The following C5orf34 variants were observed in gnomAD, a reference collection of about 807,000 sequenced individuals.
C5orf34 encodes the protein chromosome 5 open reading frame 34, also known as uncharacterized protein C5orf34.
Under a neutral mutation model 78.4 loss-of-function variants are expected in C5orf34, and 73 were observed. The ratio of observed to expected loss-of-function variants is 0.93; its 90% CI spans 0.77 to 1.13. The LOEUF (loss-of-function observed/expected upper bound fraction) is 1.13, where lower values mean the gene tolerates loss of function less well. Among genes scored for constraint, C5orf34 ranks in the 50% most tolerant of loss-of-function variants. The pLI is 0.00. For missense variants in C5orf34, 730 were observed against 732.7 expected (o/e 1.00, Z 0.04); for synonymous variants, 251 against 246.6 (o/e 1.02, Z -0.17).
chr5:43,506,999 G>C (rs1382286136), intron 3 of C5orf34, among the ~76,000 whole-genome samples: 1 of 152,072 alleles, frequency 6.6e-6, no homozygotes, highest in South Asian at 2.1e-4. Flanking sequence ...TAGAATTACT[G>C]AACAGCATTT....
At position 43,494,520 on chromosome 5, in the gene C5orf34, G is replaced by A. The variant is rs746322083; in HGVS notation, c.1234C>T (p.Gln412Ter). The A allele has an allele frequency of 1.2e-6, 2 of 1,602,488 alleles. No homozygotes were observed. The highest frequency in any genetic ancestry group is 1.7e-5 in the Admixed American group (1 of 59,852). Residue 412 changes from glutamine to a stop codon, truncating the protein, a stop_gained, in exon 7 of 13, where the codon CAG becomes TAG. Coordinates refer to ENST00000306862, the MANE Select transcript of C5orf34 (RefSeq NM_198566.4). LOFTEE classifies it high-confidence loss of function. ...ATGGGAAGAACTTACCTTGTTGCCT[G>A]TTTAATTAGAGAACCGACAGTGAAT... ...SPFTVGSLIKQATRILQHCVK... is the reference protein window; with the variant it reads ...SPFTVGSLIK
chr5:43,494,599 T>C lies in C5orf34; in HGVS notation c.1155A>G (p.Arg385=), dbSNP rs1365582974. ...TATTTACTGAGTAAGTTTTCTCTTC[T>C]CTCTGAAAATTAGTTAAAATGAAAA... ...YYSIQEGSGK[R]EEKTYSVNNL... Residue 385 remains arginine, a splice_region_variant and synonymous_variant, in exon 7 of 13, where the codon AGA becomes AGG. Coordinates refer to ENST00000306862, the MANE Select transcript of C5orf34 (RefSeq NM_198566.4). 4 of 1,580,178 alleles carry C rather than the reference T, an allele frequency of 2.5e-6. No individual in the cohort carries two copies. The highest frequency in any genetic ancestry group is 3.4e-5 in the Admixed American group (2 of 58,716).
At position 43,493,624 on chromosome 5, in the gene C5orf34, A is replaced by G. The variant is rs1265206789; in HGVS notation, c.1245-12T>C. 6.6e-7 allele frequency: 1 copy of G among 1,511,178 alleles called. No homozygotes were observed. Among genetic ancestry groups the G allele is most frequent in the South Asian group, 1.2e-5 (1 of 82,030 alleles). 93.6% of individuals were successfully genotyped at this position (1,511,178 alleles called of 1,614,324 possible). ...AATGTTGAAGAATTCTGTGAACACA[A>G]AAAATACTACTTAAACATTTGCAAA... On this transcript the variant is annotated splice_polypyrimidine_tract_variant and intron_variant, in intron 7 of 12. Coordinates refer to ENST00000306862, the MANE Select transcript of C5orf34 (RefSeq NM_198566.4).
intron 3 of C5orf34, 105 bp from the exon 4 acceptor site, chr5:43,506,499 G>T: frequency 8.7e-7 from 1 of 1,148,070 alleles, no homozygotes; most frequent in African/African-American, 1.6e-5. Flanking sequence ...TTAAATATTT[G>T]TGTTTTACTA....
At chr5:43,502,241 A>G (rs1561213055) in intron 6 of C5orf34, 131 bp downstream of exon 6, 1 of 863,060 alleles carries the variant, frequency 1.2e-6, no homozygotes, top group African/African-American at 1.7e-5. Context: ...CAGTAAGATT[A>G]TATTAATACT....
chr5:43,514,198 A>G (rs909569602), intron 1 of C5orf34: 7 of 152,168 alleles, frequency 4.6e-5, no homozygotes, highest in Non-Finnish European at 1.0e-4. Flanking sequence ...TTCAGGCCAT[A>G]GACTCTCCAA....
At chr5:43,491,143 A>AATGCATATACACATATGCTTGT (rs1745263522) in intron 10 of C5orf34, among the ~76,000 whole-genome samples, 2 of 152,218 alleles carry the variant, frequency 1.3e-5, no homozygotes, top group Non-Finnish European at 1.5e-5. Context: ...AACACCTGCT[A>AATGCATATACACATATGCTTGT]ATGCATATAC....
Position 43,487,104 on chromosome 5 carries a change from T to C in C5orf34, c.1728A>G (p.Leu576=), listed in dbSNP as rs1745100979. The change falls in exon 13 of 13, where the codon CTA becomes CTG. Residue 576 remains leucine, a synonymous_variant. Coordinates refer to ENST00000306862, the MANE Select transcript of C5orf34 (RefSeq NM_198566.4). Reference sequence around the variant, plus strand: ...TCTGGTTTAGGATACCACTATTTTCTAGTAGCACTAAGTTGCTTAGTTAAG... The same window carrying C: ...TCTGGTTTAGGATACCACTATTTTCCAGTAGCACTAAGTTGCTTAGTTAAG... ...LEKIQKFNLL[L]ENSGILNQIS... 2.0e-6 allele frequency: 3 copies of C among 1,523,384 alleles called. No individual in the cohort carries two copies. Among genetic ancestry groups the C allele is most frequent in the Non-Finnish European group, 1.8e-6 (2 of 1,135,178 alleles). The allele number at this position is 1,523,384 out of a possible 1,614,324, so 94.4% of individuals were successfully genotyped here. A position where few individuals can be genotyped will look rare whatever the true frequency, so the allele number is the denominator to read the frequency against.
rs562852003 is a variant in C5orf34, at chr5:43,488,069, A to G, written c.1680-120T>C. On this transcript the variant is annotated intron_variant, in intron 11 of 12. Transcript: ENST00000306862. ...AATTTTAAACGGAAGAACGCAGAAGAATTCTCTTTATGTTACCTTTATTTA... is the reference window on the plus strand; with the variant it reads ...AATTTTAAACGGAAGAACGCAGAAGGATTCTCTTTATGTTACCTTTATTTA... 1.4e-4 allele frequency: 98 copies of G among 688,018 alleles called. 2 individuals carry two copies. The highest frequency in any genetic ancestry group is 1.1e-3 in the South Asian group (58 of 53,848). 42.6% of individuals were successfully genotyped at this position (688,018 alleles called of 1,614,324 possible).
In C5orf34 at chr5:43,491,990, G is replaced by A. The variant is rs1443995932; in HGVS notation, c.1580+225C>T. 4.1e-5 allele frequency among the ~76,000 whole-genome samples: 5 copies of A among 121,602 alleles called. No homozygotes were observed. The Admixed American group carries it at 4.8e-4, about 12-fold the overall frequency. 79.8% of individuals were successfully genotyped at this position (121,602 alleles called of 152,430 possible). A position where few individuals can be genotyped will look rare whatever the true frequency, so the allele number is the denominator to read the frequency against. On this transcript the variant is annotated intron_variant, in intron 10 of 12. Coordinates refer to ENST00000306862, the MANE Select transcript of C5orf34 (RefSeq NM_198566.4). ...TTGTACTCCGGCCCAGGCCACAGGA[G>A]CAAAACTCTGTCTCAAAAAAAAAAA...
chr5:43,508,026 C>T (rs1001277037), intron 3 of C5orf34, among the ~76,000 whole-genome samples: 5 of 148,040 alleles, frequency 3.4e-5, no homozygotes, highest in Admixed American at 1.4e-4. Flanking sequence ...TGCAGTGAGC[C>T]GAGATCGTGC....
chr5:43,513,869 C>A (rs556497554), intron 1 of C5orf34, among the ~76,000 whole-genome samples: 3 of 152,308 alleles, frequency 2.0e-5, no homozygotes, highest in South Asian at 4.1e-4. Context: ...TAGAATCTAT[C>A]ATCAAAATTG....
At position 43,489,238 on chromosome 5, in the gene C5orf34, T is replaced by A. The variant is rs140067386; in HGVS notation, c.1680-1289A>T. Among the ~76,000 whole-genome samples, 757 of 152,240 alleles carry A rather than the reference T, an allele frequency of 5.0e-3. 9 individuals carry two copies. Among genetic ancestry groups the A allele is most frequent in the African/African-American group, 0.012 (487 of 41,576 alleles). ...AAAAGTTGAATTAATAAGCTAATAA[T>A]GGAGGGTGTGGCGGAAAAAAAATAC... On this transcript the variant is annotated intron_variant, in intron 11 of 12. Coordinates refer to ENST00000306862, the MANE Select transcript of C5orf34 (RefSeq NM_198566.4).
chr5:43,503,032 T>G (rs1745827972), intron 5 of C5orf34, among the ~76,000 whole-genome samples: 1 of 152,220 alleles, frequency 6.6e-6, no homozygotes, highest in African/African-American at 2.4e-5. Flanking sequence ...ACATACATGT[T>G]AGAATATGTT....
rs1301844278 is a variant in C5orf34, at chr5:43,494,512, T to G, written c.1242A>C (p.Thr414=). The change falls in exon 7 of 13, where the codon ACA becomes ACC. Residue 414 remains threonine, a splice_region_variant and synonymous_variant. Transcript: ENST00000306862. ...TCAATTGAATGGGAAGAACTTACCT[T>G]GTTGCCTGTTTAATTAGAGAACCGA... ...FTVGSLIKQA[T]RILQHCVKMR... 1 of 1,596,684 alleles carries G rather than the reference T, an allele frequency of 6.3e-7. No homozygotes were observed. Among genetic ancestry groups the G allele is most frequent in the Non-Finnish European group, 8.6e-7 (1 of 1,167,042 alleles).
At chr5:43,511,375 C>A (rs1364689732) in intron 1 of C5orf34, 27 of 155,376 alleles carry the variant, frequency 1.7e-4, no homozygotes, top group Non-Finnish European at 3.2e-4. Context: ...TGGGGGGCAG[C>A]CCCGACCCGG....
chr5:43,496,349 T>G, intron 6 of C5orf34: 8 of 1,590,762 alleles, frequency 5.0e-6, no homozygotes, highest in Non-Finnish European at 6.8e-6. Context: ...ATGGTTCTTT[T>G]GTCGATGCCA....
chr5:43,490,569 C>T (rs1257662627), intron 11 of C5orf34, 62 bp downstream of exon 11: 2 of 1,084,124 alleles, frequency 1.8e-6, no homozygotes, highest in Non-Finnish European at 2.8e-6. Context: ...TACCATTTGA[C>T]ATTTTAATTT....
chr5:43,500,423 T>A (rs1012759085), intron 6 of C5orf34, among the ~76,000 whole-genome samples: 2 of 151,976 alleles, frequency 1.3e-5, no homozygotes, highest in African/African-American at 4.8e-5. Context: ...TGAGACAGAG[T>A]CTTGCTCTGT....
Sources: gnomAD v4.1 joint callset for allele counts (sites outside exome capture counted in the v4.1 genomes callset) on GRCh38, gnomAD v4.1.1 for gene constraint, MANE v1.5 for transcripts, NCBI Gene and HGNC (gene_info 2026-07-23, HGNC 2026-07-21) for gene names.